TPRG1: variants seen among roughly 807,000 people sequenced by gnomAD.
TPRG1 encodes the protein tumor protein p63-regulated gene 1 protein.
In TPRG1, 29 loss-of-function variants were observed where a neutral mutation model predicts 29.3. The ratio of observed to expected loss-of-function variants is 0.99; its 90% CI spans 0.74 to 1.35. The LOEUF is 1.35. Among genes scored for constraint, TPRG1 ranks in the 40% most tolerant of loss-of-function variants. The probability of loss-of-function intolerance (pLI) is 0.00; values close to 1 mark genes in which losing one functional copy is unlikely to be tolerated. For missense variants in TPRG1, 327 were observed against 335.0 expected (o/e 0.98, Z 0.19); for synonymous variants, 130 against 116.8 (o/e 1.11, Z -0.73).
chr3:189,214,801 A>G (rs1735778467), intron 2 of TPRG1, among the ~76,000 whole-genome samples: 1 of 152,128 alleles, frequency 6.6e-6, no homozygotes, highest in Non-Finnish European at 1.5e-5. Context: ...TTGGGCCTAT[A>G]AGTAGTAACA....
chr3:189,049,714 C>T (rs1170912530), intron 4 of TPRG1, among the ~76,000 whole-genome samples: 1 of 152,272 alleles, frequency 6.6e-6, no homozygotes, highest in South Asian at 2.1e-4. Context: ...AGCATTAAAC[C>T]ACCAAAGCTA....
chr3:189,296,030 G>A (rs1296655451), intron 4 of TPRG1, among the ~76,000 whole-genome samples: 1 of 151,860 alleles, frequency 6.6e-6, no homozygotes, highest in East Asian at 1.9e-4. Flanking sequence ...CTTAATTCAA[G>A]AACTGTTTCT....
At chr3:189,050,199 C>A (rs555150016) in intron 4 of TPRG1, among the ~76,000 whole-genome samples, 1 of 151,666 alleles carries the variant, frequency 6.6e-6, no homozygotes, top group Non-Finnish European at 1.5e-5. Flanking sequence ...CAAGATTAAC[C>A]GAGAAAAGAA....
chr3:189,115,921 G>A (rs774388683), intron 1 of TPRG1, among the ~76,000 whole-genome samples: 17 of 151,892 alleles, frequency 1.1e-4, no homozygotes, highest in Non-Finnish European at 2.2e-4. Flanking sequence ...AATGTAAATC[G>A]AAAACACAAT....
At position 189,225,067 on chromosome 3, in the gene TPRG1, G is replaced by A. The variant is rs547361660; in HGVS notation, c.302+9684G>A. ...CTGCCTCAGCCTCCCAAGTAGCTGG[G>A]ACTACAGGCGCCCGCCACCACGCCT... is the stretch of plus-strand genomic sequence containing the variant. On this transcript the variant is annotated intron_variant, in intron 3 of 5. Coordinates refer to ENST00000345063, the MANE Select transcript of TPRG1 (RefSeq NM_198485.4). Among the ~76,000 whole-genome samples the A allele has an allele frequency of 2.6e-4, 40 of 152,136 alleles. No individual in the cohort carries two copies. In the South Asian group the frequency reaches 2.9e-3, roughly 11 times the overall value.
At chr3:189,174,083 G>C (rs539894230) in intron 1 of TPRG1, among the ~76,000 whole-genome samples, 1 of 152,220 alleles carries the variant, frequency 6.6e-6, no homozygotes, top group South Asian at 2.1e-4. Flanking sequence ...CTAAATAAGT[G>C]CCACTCAGTT....
chr3:189,270,019 CT>C (rs1206719106), intron 4 of TPRG1, among the ~76,000 whole-genome samples: 3 of 16,668 alleles, frequency 1.8e-4, no homozygotes, highest in African/African-American at 1.6e-3. Flanking sequence ...TTCTCTGGAT[CT>C]TCTTCTTCTT....
intron 1 of TPRG1, among the ~76,000 whole-genome samples, chr3:189,111,824 G>A (rs1036249697): frequency 1.3e-5 from 2 of 152,034 alleles, no homozygotes; most frequent in African/African-American, 4.8e-5. Context: ...TTGTTGCACT[G>A]GCTTAGACTT....
chr3:189,220,124 G>C (rs992339185), intron 3 of TPRG1, among the ~76,000 whole-genome samples: 5 of 152,066 alleles, frequency 3.3e-5, no homozygotes, highest in African/African-American at 4.8e-5. Flanking sequence ...TGGTGAATTT[G>C]TTTTAATATG....
chr3:189,117,927 G>A (rs1721373465), intron 1 of TPRG1, among the ~76,000 whole-genome samples: 1 of 152,194 alleles, frequency 6.6e-6, no homozygotes, highest in African/African-American at 2.4e-5. Flanking sequence ...CTAGTGGGGT[G>A]CTGCTGTAAA....
At chr3:189,118,928 G>C (rs1721502810) in intron 1 of TPRG1, among the ~76,000 whole-genome samples, 1 of 152,240 alleles carries the variant, frequency 6.6e-6, no homozygotes, top group Non-Finnish European at 1.5e-5. Flanking sequence ...CCTCACTGGG[G>C]CACTGCCTTG....
At chr3:189,233,164 G>A (rs368281689) in intron 3 of TPRG1, among the ~76,000 whole-genome samples, 1,412 of 107,100 alleles carry the variant, frequency 0.013, 25 homozygotes, top group African/African-American at 0.064. Context: ...TACTGAGTGT[G>A]TATGTGTGTG....
intron 3 of TPRG1, among the ~76,000 whole-genome samples, chr3:189,010,580 C>T (rs772517223): frequency 3.9e-4 from 59 of 152,258 alleles, no homozygotes; most frequent in African/African-American, 1.2e-3. Flanking sequence ...TGTATGTCTT[C>T]TTTTGAAAAG....
At chr3:189,043,425 T>C (rs1714759727) in intron 4 of TPRG1, among the ~76,000 whole-genome samples, 1 of 152,180 alleles carries the variant, frequency 6.6e-6, no homozygotes, top group African/African-American at 2.4e-5. Context: ...GCCCTCAGTT[T>C]TTCCATTCAC....
intron 4 of TPRG1, among the ~76,000 whole-genome samples, chr3:189,277,772 G>A (rs775389071): frequency 2.6e-5 from 4 of 152,174 alleles, no homozygotes; most frequent in Non-Finnish European, 4.4e-5. Flanking sequence ...ACAGCTTTAC[G>A]AGTCCAATCC....
intron 3 of TPRG1, among the ~76,000 whole-genome samples, chr3:189,010,711 G>T (rs187184615): frequency 5.3e-5 from 8 of 151,978 alleles, no homozygotes; most frequent in African/African-American, 1.9e-4. Flanking sequence ...TCAAAAATTT[G>T]TCCCATTCTG....
intron 4 of TPRG1, among the ~76,000 whole-genome samples, chr3:189,259,548 A>C (rs544204957): frequency 7.4e-6 from 1 of 135,522 alleles, no homozygotes; most frequent in Admixed American, 7.6e-5. Context: ...CACTGCAACC[A>C]ACCCCCACCT....
At chr3:189,131,750 T>C (rs1723136250) in intron 2 of TPRG1, among the ~76,000 whole-genome samples, 1 of 152,194 alleles carries the variant, frequency 6.6e-6, no homozygotes, top group Non-Finnish European at 1.5e-5. Context: ...GAGTGAGACA[T>C]TGAACTTATA....
chr3:189,095,652 G>T (rs924965552), upstream of TPRG1, among the ~76,000 whole-genome samples: 4 of 152,152 alleles, frequency 2.6e-5, no homozygotes, highest in Non-Finnish European at 5.9e-5. Context: ...TCTAAGTCAT[G>T]GTCAGATGGG....
Sources: allele counts gnomAD v4.1 joint callset (sites outside exome capture counted in the v4.1 genomes callset), GRCh38; gene constraint gnomAD v4.1.1; transcripts MANE v1.5; gene names NCBI Gene and HGNC (gene_info 2026-07-23, HGNC 2026-07-21).